The following ABTB3 variants were observed in gnomAD, a reference collection of about 807,000 sequenced individuals.
The protein encoded by ABTB3 is ankyrin repeat- and BTB/POZ domain-containing protein 3.
At chr12:107,483,320 A>C in the ABTB3 span, among the ~76,000 whole-genome samples, 2 of 152,114 alleles carry the variant, frequency 1.3e-5, no homozygotes, top group Non-Finnish European at 2.9e-5. Flanking sequence ...TGGGATTGCC[A>C]GGCATGAGCC....
the ABTB3 span, among the ~76,000 whole-genome samples, chr12:107,374,302 G>A: frequency 1.6e-4 from 25 of 152,202 alleles, no homozygotes; most frequent in Non-Finnish European, 2.5e-4. Flanking sequence ...ACACAGTTCC[G>A]GCTTCAGAAC....
At chr12:107,620,544 G>A in the ABTB3 span, among the ~76,000 whole-genome samples, 14 of 152,156 alleles carry the variant, frequency 9.2e-5, no homozygotes, top group Non-Finnish European at 1.6e-4. Context: ...AGGAGGAATG[G>A]GAGGGTGGGT....
the ABTB3 span, among the ~76,000 whole-genome samples, chr12:107,647,904 CT>C: frequency 6.6e-6 from 1 of 152,144 alleles, no homozygotes; most frequent in Non-Finnish European, 1.5e-5. Flanking sequence ...CAATTCCAGG[CT>C]TATTGTACTT....
chr12:107,478,990 A>G, the ABTB3 span, among the ~76,000 whole-genome samples: 1 of 152,166 alleles, frequency 6.6e-6, no homozygotes, highest in Non-Finnish European at 1.5e-5. Context: ...GAGATGTCCT[A>G]ACCTTGCTGT....
chr12:107,479,865 T>G, the ABTB3 span, among the ~76,000 whole-genome samples: 1 of 152,232 alleles, frequency 6.6e-6, no homozygotes, highest in Non-Finnish European at 1.5e-5. Context: ...TAGCCCCACT[T>G]TCAGCTAAGG....
chr12:107,603,501 G>A, the ABTB3 span, among the ~76,000 whole-genome samples: 10 of 152,232 alleles, frequency 6.6e-5, no homozygotes, highest in African/African-American at 1.9e-4. Context: ...AAAGGCTTTG[G>A]GGAAACTGGA....
At chr12:107,617,723 C>G in the ABTB3 span, 2 of 431,494 alleles carry the variant, frequency 4.6e-6, no homozygotes, top group Non-Finnish European at 8.2e-6. Context: ...GTCATGTCAG[C>G]TGTCATGAAG....
the ABTB3 span, among the ~76,000 whole-genome samples, chr12:107,643,637 A>G: frequency 8.0e-6 from 1 of 124,632 alleles, no homozygotes; most frequent in African/African-American, 3.2e-5. Flanking sequence ...TGGGTTGGAA[A>G]GCTGGGTTCC....
chr12:107,588,212 A>G, the ABTB3 span, among the ~76,000 whole-genome samples: 1 of 152,240 alleles, frequency 6.6e-6, no homozygotes, highest in Non-Finnish European at 1.5e-5. Flanking sequence ...TTATATCTGC[A>G]AAGACCCTAT....
chr12:107,339,694 TG>T, the ABTB3 span, among the ~76,000 whole-genome samples: 1 of 152,050 alleles, frequency 6.6e-6, no homozygotes, highest in African/African-American at 2.4e-5. Flanking sequence ...TGTGTGTGTG[TG>T]TGTGTGTGTA....
chr12:107,548,358 C>A, the ABTB3 span, among the ~76,000 whole-genome samples: 4 of 152,198 alleles, frequency 2.6e-5, no homozygotes, highest in African/African-American at 4.8e-5. Context: ...CAACAGACGG[C>A]CTGGGAAATA....
At chr12:107,339,216 C>A in the ABTB3 span, among the ~76,000 whole-genome samples, 2 of 152,194 alleles carry the variant, frequency 1.3e-5, no homozygotes, top group African/African-American at 4.8e-5. Context: ...TCTGGAGGAA[C>A]CTGTGGCCCA....
the ABTB3 span, among the ~76,000 whole-genome samples, chr12:107,487,870 C>T: frequency 2.6e-5 from 4 of 151,820 alleles, no homozygotes; most frequent in Non-Finnish European, 5.9e-5. Flanking sequence ...TGAGCAGCAT[C>T]CAAGGGGTGA....
chr12:107,443,585 G>A, the ABTB3 span, among the ~76,000 whole-genome samples: 1 of 152,160 alleles, frequency 6.6e-6, no homozygotes, highest in South Asian at 2.1e-4. Context: ...GTAAATGTGG[G>A]GAGGGGAATA....
the ABTB3 span, among the ~76,000 whole-genome samples, chr12:107,346,985 C>A: frequency 6.6e-6 from 1 of 152,076 alleles, no homozygotes; most frequent in South Asian, 2.1e-4. Flanking sequence ...CTGTTATAAC[C>A]AACAGTATTC....
the ABTB3 span, among the ~76,000 whole-genome samples, chr12:107,385,886 T>C: frequency 6.6e-6 from 1 of 152,156 alleles, no homozygotes; most frequent in Non-Finnish European, 1.5e-5. Flanking sequence ...ATGCCCAGCC[T>C]AGCCTGAGCC....
the ABTB3 span, among the ~76,000 whole-genome samples, chr12:107,644,830 A>G: frequency 6.6e-6 from 1 of 152,176 alleles, no homozygotes; most frequent in Admixed American, 6.5e-5. Flanking sequence ...ACATGGATGC[A>G]GTACATGGAT....
At chr12:107,503,668 G>T in the ABTB3 span, among the ~76,000 whole-genome samples, 4 of 149,308 alleles carry the variant, frequency 2.7e-5, no homozygotes, top group Non-Finnish European at 5.9e-5. Flanking sequence ...GAGGTGGGAG[G>T]CTCACTTGAG....
the ABTB3 span, chr12:107,610,026 A>G: frequency 1.3e-6 from 1 of 769,780 alleles, no homozygotes; most frequent in Non-Finnish European, 2.1e-6. Context: ...CATAAAGGAC[A>G]AAGGATCAAG....
Sources: gnomAD v4.1 joint callset for allele counts (sites outside exome capture counted in the v4.1 genomes callset) on GRCh38, gnomAD v4.1.1 for gene constraint, MANE v1.5 for transcripts, NCBI Gene and HGNC (gene_info 2026-07-23, HGNC 2026-07-21) for gene names.